The following RBFOX1 variants were observed in gnomAD, a reference collection of about 807,000 sequenced individuals.
RBFOX1 encodes the protein RNA binding fox-1 homolog 1, also known as RNA binding protein fox-1 homolog 1.
Under a neutral mutation model 57.7 loss-of-function variants are expected in RBFOX1, and 8 were observed. The ratio of observed to expected loss-of-function variants is 0.14; its 90% CI spans 0.08 to 0.25. RBFOX1 has a LOEUF of 0.25. Ranked by LOEUF, RBFOX1 falls within the 10% of genes least tolerant of loss-of-function variation. RBFOX1 has a pLI of 1.00. For missense variants in RBFOX1, 611 were observed against 548.5 expected, an observed-to-expected ratio of 1.11 and a Z score of -1.14; for synonymous variants, 326 against 222.4, an observed-to-expected ratio of 1.47 and a Z score of -4.15.
chr16:6,792,049 G>A (rs186845193), intron 3 of RBFOX1, among the ~76,000 whole-genome samples: 30 of 152,082 alleles, frequency 2.0e-4, no homozygotes, highest in African/African-American at 5.8e-4. Flanking sequence ...CCTGAATTGC[G>A]TTTCACGAAC....
At chr16:6,074,983 G>A (rs1232934450) in intron 1 of RBFOX1, among the ~76,000 whole-genome samples, 2 of 152,128 alleles carry the variant, frequency 1.3e-5, no homozygotes, top group Non-Finnish European at 2.9e-5. Context: ...TTGGAGTCTG[G>A]TTAAGGAGAA....
At chr16:6,575,104 G>A (rs2097411264) in intron 2 of RBFOX1, among the ~76,000 whole-genome samples, 1 of 151,584 alleles carries the variant, frequency 6.6e-6, no homozygotes, top group African/African-American at 2.4e-5. Flanking sequence ...TTGAGACATG[G>A]CCTGGGGTCT....
intron 1 of RBFOX1, among the ~76,000 whole-genome samples, chr16:5,329,954 G>T (rs1317820021): frequency 6.7e-6 from 1 of 148,850 alleles, no homozygotes; most frequent in Non-Finnish European, 1.5e-5. Context: ...CTGCACTCCA[G>T]CCTGGGTGAC....
rs147486190 is a variant in RBFOX1, at chr16:6,512,144, C to T, written c.-63-142459C>T. On this transcript the variant is annotated intron_variant, in intron 2 of 15. Transcript: ENST00000550418. ...GAAAAAAAAAAAGGAATTCGCCAGG[C>T]ATGATGGTGCATGCCTGTGGTCCCA... Among the ~76,000 whole-genome samples the T allele has an allele frequency of 4.7e-3, 712 of 151,414 alleles. 19 individuals are homozygous for T. In the East Asian group the frequency reaches 0.092, roughly 20 times the overall value.
In RBFOX1 at chr16:7,570,939, T is replaced by C. The variant is rs2092709943; in HGVS notation, c.271-8838T>C. Among the ~76,000 whole-genome samples the C allele has an allele frequency of 5.9e-5, 9 of 152,140 alleles. No individual in the cohort carries two copies. The South Asian group carries it at 1.9e-3, about 32-fold the overall frequency. ...AAGATTATGTTCTTTGCAAGGACAG[T>C]GGATGGAGCTGGAAGCTTTATACTC... On this transcript the variant is annotated intron_variant, in intron 5 of 15. Transcript: ENST00000550418.
At chr16:6,992,477 G>C (rs1272215490) in intron 3 of RBFOX1, among the ~76,000 whole-genome samples, 1 of 152,094 alleles carries the variant, frequency 6.6e-6, no homozygotes, top group African/African-American at 2.4e-5. Context: ...GCCTCCCAAA[G>C]TGCTGGGATT....
intron 4 of RBFOX1, among the ~76,000 whole-genome samples, chr16:7,309,998 G>A (rs1255239833): frequency 6.6e-6 from 1 of 152,216 alleles, no homozygotes; most frequent in Middle Eastern, 3.2e-3. Context: ...TGCTGCCCAA[G>A]AGAACTCTGC....
chr16:5,693,837 C>G (rs1306925596), intron 3 of RBFOX1, among the ~76,000 whole-genome samples: 1 of 152,148 alleles, frequency 6.6e-6, no homozygotes, highest in East Asian at 1.9e-4. Flanking sequence ...CAAGTATTGT[C>G]TTTTTGTGAC....
At chr16:6,078,865 C>G (rs970244065) in intron 1 of RBFOX1, among the ~76,000 whole-genome samples, 2 of 152,192 alleles carry the variant, frequency 1.3e-5, no homozygotes, top group Admixed American at 6.5e-5. Context: ...GGTTCTAAGA[C>G]TCTATCTGAA....
At chr16:6,380,454 C>G (rs2091692168) in intron 2 of RBFOX1, among the ~76,000 whole-genome samples, 3 of 101,106 alleles carry the variant, frequency 3.0e-5, no homozygotes, top group Non-Finnish European at 5.5e-5. Flanking sequence ...TTTAGTAGAA[C>G]TCAGCAGCTT....
At chr16:5,396,691 C>G (rs2066567289) in intron 1 of RBFOX1, among the ~76,000 whole-genome samples, 1 of 152,008 alleles carries the variant, frequency 6.6e-6, no homozygotes, top group Non-Finnish European at 1.5e-5. Flanking sequence ...GATTCAAGAC[C>G]CCTCCCTACC....
chr16:6,547,027 A>G (rs993924760), intron 2 of RBFOX1, among the ~76,000 whole-genome samples: 1 of 152,186 alleles, frequency 6.6e-6, no homozygotes, highest in Non-Finnish European at 1.5e-5. Context: ...CAGATTTTTA[A>G]AGTGCCTGAG....
At chr16:7,073,164 A>G (rs982101733) in intron 4 of RBFOX1, among the ~76,000 whole-genome samples, 3 of 152,202 alleles carry the variant, frequency 2.0e-5, no homozygotes, top group Non-Finnish European at 4.4e-5. Flanking sequence ...TCTGCAGGCA[A>G]CATCTGGCTA....
intron 3 of RBFOX1, among the ~76,000 whole-genome samples, chr16:6,841,758 A>C (rs2093475026): frequency 6.6e-6 from 1 of 152,052 alleles, no homozygotes; most frequent in African/African-American, 2.4e-5. Context: ...TTAAACCTGG[A>C]CCATGCAGCT....
intron 4 of RBFOX1, among the ~76,000 whole-genome samples, chr16:7,434,010 T>C (rs2098702933): frequency 6.6e-6 from 1 of 152,208 alleles, no homozygotes; most frequent in Non-Finnish European, 1.5e-5. Flanking sequence ...CAGTTAATAC[T>C]ATTGGAAACT....
At chr16:7,237,379 A>G (rs747908069) in intron 4 of RBFOX1, among the ~76,000 whole-genome samples, 6 of 152,220 alleles carry the variant, frequency 3.9e-5, no homozygotes, top group African/African-American at 1.2e-4. Context: ...TGTACATACA[A>G]TAATAATTAA....
chr16:6,780,466 T>TTATAGATATATTTA lies in RBFOX1; in HGVS notation c.-16+125820_-16+125821insGATATATTTATATA, dbSNP rs1567217756. 2.3e-3 allele frequency among the ~76,000 whole-genome samples: 225 copies of TTATAGATATATTTA among 95,774 alleles called. 9 individuals carry two copies. Among genetic ancestry groups the TTATAGATATATTTA allele is most frequent in the Non-Finnish European group, 3.2e-3 (176 of 54,314 alleles). 62.8% of individuals were successfully genotyped at this position (95,774 alleles called of 152,430 possible). A position where few individuals can be genotyped will look rare whatever the true frequency, so the allele number is the denominator to read the frequency against. On this transcript the variant is annotated intron_variant, in intron 3 of 15. Transcript: ENST00000550418. ...TTTATATATACATTTTTATATATAT[T>TTATAGATATATTTA]TATATACATTTTTATATATATTTAT...
intron 1 of RBFOX1, among the ~76,000 whole-genome samples, chr16:6,229,141 A>C (rs1598580384): frequency 1.3e-5 from 2 of 152,010 alleles, no homozygotes; most frequent in African/African-American, 2.4e-5. Flanking sequence ...AAGATAAATG[A>C]CATCTCCTTA....
At chr16:7,031,098 C>G (rs1418769328) in intron 3 of RBFOX1, among the ~76,000 whole-genome samples, 1 of 152,144 alleles carries the variant, frequency 6.6e-6, no homozygotes, top group Non-Finnish European at 1.5e-5. Context: ...GTAAGTAAGA[C>G]TGTAGACTGG....
Sources: allele counts gnomAD v4.1 joint callset (sites outside exome capture counted in the v4.1 genomes callset), GRCh38; gene constraint gnomAD v4.1.1; transcripts MANE v1.5; gene names NCBI Gene and HGNC (gene_info 2026-07-23, HGNC 2026-07-21).